CPQ: variants seen among roughly 807,000 people sequenced by gnomAD.
CPQ encodes the protein carboxypeptidase Q.
A neutral mutation model predicts 45.7 loss-of-function variants in CPQ; 37 were observed. The observed-to-expected ratio is 0.81, with a 90% CI of 0.62 to 1.07. CPQ has a LOEUF of 1.07. Among genes scored for constraint, CPQ ranks in the 50% least tolerant of loss-of-function variants. The pLI is 0.00. For synonymous variants in CPQ, 186 were observed against 205.8 expected, an observed-to-expected ratio of 0.90 and a Z score of 0.82; for missense variants, 537 against 572.9, an observed-to-expected ratio of 0.94 and a Z score of 0.64.
At chr8:96,734,924 A>C (rs1034861594) in intron 1 of CPQ, among the ~76,000 whole-genome samples, 2 of 151,024 alleles carry the variant, frequency 1.3e-5, no homozygotes, top group Non-Finnish European at 3.0e-5. Flanking sequence ...ATTTTCACAT[A>C]CTCTCTTACT....
At chr8:96,802,270 C>CT (rs1008390163) in intron 2 of CPQ, among the ~76,000 whole-genome samples, 37 of 152,010 alleles carry the variant, frequency 2.4e-4, no homozygotes, top group African/African-American at 8.0e-4. Flanking sequence ...GAGCTTCTAT[C>CT]TTTTTTTTGA....
rs1809437764 is a variant in CPQ, at chr8:97,009,183, G to A, written c.962-20220G>A. 2.0e-5 allele frequency among the ~76,000 whole-genome samples: 3 copies of A among 152,340 alleles called. No individual in the cohort carries two copies. In the South Asian group the frequency reaches 6.2e-4, roughly 32 times the overall value. On this transcript the variant is annotated intron_variant, in intron 5 of 7. Transcript: ENST00000220763. The stretch of plus-strand genomic sequence containing the variant: ...AGTTGCTTGGTCTTCAGCCTGTCAG[G>A]CGCTGAGCACTTGTTCTCCATCTGA...
At chr8:96,748,985 A>G (rs1810225391) in intron 1 of CPQ, among the ~76,000 whole-genome samples, 1 of 152,160 alleles carries the variant, frequency 6.6e-6, no homozygotes, top group Non-Finnish European at 1.5e-5. Context: ...CATAGAAATA[A>G]CTATCAACTC....
intron 7 of CPQ, among the ~76,000 whole-genome samples, chr8:97,067,305 A>G (rs1283447522): frequency 6.6e-6 from 1 of 152,126 alleles, no homozygotes; most frequent in African/African-American, 2.4e-5. Context: ...AAGTTTACTG[A>G]TATTGTTTGT....
intron 1 of CPQ, among the ~76,000 whole-genome samples, chr8:96,744,252 G>A (rs1810142522): frequency 1.3e-5 from 2 of 152,242 alleles, no homozygotes; most frequent in Admixed American, 1.3e-4. Context: ...GATGCCGTCT[G>A]TCACCACTTT....
chr8:96,696,121 A>G (rs1379236407), intron 1 of CPQ, among the ~76,000 whole-genome samples: 1 of 152,080 alleles, frequency 6.6e-6, no homozygotes, highest in African/African-American at 2.4e-5. Flanking sequence ...ATAAAAAATG[A>G]TGAGTTTATG....
intron 1 of CPQ, among the ~76,000 whole-genome samples, chr8:96,685,606 A>C (rs1169239892): frequency 6.6e-6 from 1 of 152,138 alleles, no homozygotes; most frequent in Non-Finnish European, 1.5e-5. Context: ...ACAAACCAGC[A>C]ACTCACCATT....
chr8:96,730,484 T>C (rs1809895282), intron 1 of CPQ, among the ~76,000 whole-genome samples: 1 of 152,110 alleles, frequency 6.6e-6, no homozygotes, highest in Non-Finnish European at 1.5e-5. Flanking sequence ...GAGGTAAGAC[T>C]TGGGAAGAAA....
intron 1 of CPQ, among the ~76,000 whole-genome samples, chr8:96,748,619 T>C (rs189475604): frequency 4.6e-5 from 7 of 152,276 alleles, no homozygotes; most frequent in African/African-American, 1.7e-4. Context: ...TTACCTAATA[T>C]ATTTTCTATC....
intron 6 of CPQ, among the ~76,000 whole-genome samples, chr8:97,040,915 TG>T (rs1163443076): frequency 6.6e-6 from 1 of 152,112 alleles, no homozygotes; most frequent in African/African-American, 2.4e-5. Context: ...AGTCAGGTAG[TG>T]TGATGCCTCC....
chr8:97,142,877 TGCA>T, intron 7 of CPQ, 140 bp from the exon 8 acceptor site: 2 of 689,862 alleles, frequency 2.9e-6, no homozygotes, highest in Non-Finnish European at 4.7e-6. Flanking sequence ...GGACATTTCT[TGCA>T]GCAAGAGAGC....
At chr8:96,666,210 G>C (rs1808922950) in intron 1 of CPQ, among the ~76,000 whole-genome samples, 1 of 152,130 alleles carries the variant, frequency 6.6e-6, no homozygotes. Flanking sequence ...ATATTGGCTA[G>C]GTGTATGAGG....
chr8:97,111,194 C>G lies in CPQ; in HGVS notation c.1256-31826C>G, dbSNP rs1006183605. 3.3e-5 allele frequency among the ~76,000 whole-genome samples: 5 copies of G among 152,276 alleles called. No homozygotes were observed. The East Asian group carries it at 9.7e-4, about 29-fold the overall frequency. ...TCCTTGGGTGTGCCTGATCTGTATC[C>G]TCCTCCATACCTTTTCCCACAATGT... On this transcript the variant is annotated intron_variant, in intron 7 of 7. Transcript: ENST00000220763.
At chr8:96,948,144 T>C (rs1480505024) in intron 4 of CPQ, among the ~76,000 whole-genome samples, 1 of 152,120 alleles carries the variant, frequency 6.6e-6, no homozygotes, top group African/African-American at 2.4e-5. Flanking sequence ...TCCCCATTAC[T>C]AGTTTTGGTT....
intron 7 of CPQ, among the ~76,000 whole-genome samples, chr8:97,070,355 T>C (rs1029130702): frequency 1.3e-5 from 2 of 152,188 alleles, no homozygotes; most frequent in Non-Finnish European, 2.9e-5. Context: ...TAGGGGCTTA[T>C]GTGCATCCTG....
intron 4 of CPQ, among the ~76,000 whole-genome samples, chr8:96,890,908 A>G (rs1014634748): frequency 2.0e-5 from 3 of 152,150 alleles, no homozygotes; most frequent in African/African-American, 4.8e-5. Flanking sequence ...AATCCTGGCT[A>G]TGGGAGAAAC....
intron 4 of CPQ, among the ~76,000 whole-genome samples, chr8:96,930,760 G>T (rs375903232): frequency 1.6e-4 from 25 of 152,260 alleles, no homozygotes; most frequent in African/African-American, 4.8e-4. Flanking sequence ...TATCTGGTTG[G>T]ACTCCAAGAT....
At chr8:96,845,699 T>C (rs1563511620) in intron 3 of CPQ, among the ~76,000 whole-genome samples, 1 of 152,164 alleles carries the variant, frequency 6.6e-6, no homozygotes, top group Admixed American at 6.5e-5. Flanking sequence ...TATAAATCTA[T>C]AGTAAGGCTG....
intron 4 of CPQ, among the ~76,000 whole-genome samples, chr8:96,908,329 T>C (rs2130902384): frequency 6.6e-6 from 1 of 152,280 alleles, no homozygotes; most frequent in Admixed American, 6.5e-5. Flanking sequence ...CTTGGGATGT[T>C]CTAAAGGTGA....
Sources: gnomAD v4.1 joint callset for allele counts (sites outside exome capture counted in the v4.1 genomes callset) on GRCh38, gnomAD v4.1.1 for gene constraint, MANE v1.5 for transcripts, NCBI Gene and HGNC (gene_info 2026-07-23, HGNC 2026-07-21) for gene names.